NRXN1: variants seen among roughly 807,000 people sequenced by gnomAD.
The protein encoded by NRXN1 is neurexin-1.
NRXN1 carries 39 observed loss-of-function variants against 150.9 expected under a neutral mutation model. The observed-to-expected ratio is 0.26, with a 90% CI of 0.20 to 0.34. NRXN1 has a LOEUF of 0.34. Ranked by LOEUF, NRXN1 falls within the 10% of genes least tolerant of loss-of-function variation. NRXN1 has a pLI of 1.00. For synonymous variants in NRXN1, 924 were observed against 757.0 expected (o/e 1.22, Z -3.62); for missense variants, 1,815 against 1,949.9 (o/e 0.93, Z 1.30).
At chr2:50,779,057 G>T (rs1574446419) in intron 5 of NRXN1, among the ~76,000 whole-genome samples, 1 of 151,860 alleles carries the variant, frequency 6.6e-6, no homozygotes, top group African/African-American at 2.4e-5. Flanking sequence ...TAAGTTCTGG[G>T]ATACATGTGC....
At chr2:50,746,797 T>C (rs1280900495) in intron 5 of NRXN1, among the ~76,000 whole-genome samples, 2 of 152,014 alleles carry the variant, frequency 1.3e-5, no homozygotes, top group South Asian at 2.1e-4. Flanking sequence ...GACCAAATTC[T>C]CCTCCACTTC....
intron 17 of NRXN1, among the ~76,000 whole-genome samples, chr2:50,239,329 C>T (rs550059772): frequency 6.6e-6 from 1 of 151,116 alleles, no homozygotes; most frequent in South Asian, 2.1e-4. Context: ...TCTCTAATGA[C>T]TATATACATT....
chr2:50,109,909 C>A (rs150560384), intron 18 of NRXN1, among the ~76,000 whole-genome samples: 3 of 152,044 alleles, frequency 2.0e-5, no homozygotes, highest in Admixed American at 6.5e-5. Context: ...AAAATAAAGA[C>A]GGTCTAGAAC....
chr2:50,020,140 C>G (rs1687348872), intron 21 of NRXN1, among the ~76,000 whole-genome samples: 1 of 151,918 alleles, frequency 6.6e-6, no homozygotes, highest in Admixed American at 6.6e-5. Context: ...ACTCAAAACT[C>G]AAGTAGCTGT....
chr2:50,343,738 G>GGA (rs988082649), intron 17 of NRXN1, among the ~76,000 whole-genome samples: 3 of 152,086 alleles, frequency 2.0e-5, no homozygotes, highest in African/African-American at 7.2e-5. Context: ...GAATGAACCT[G>GGA]GATAGTCAGC....
chr2:51,006,650 GCT>G lies in NRXN1; in HGVS notation c.772+20850_772+20851del, dbSNP rs200957206. 3.2e-4 allele frequency among the ~76,000 whole-genome samples: 48 copies of G among 151,988 alleles called. 1 individual carries two copies. The East Asian group carries it at 8.2e-3, about 26-fold the overall frequency. ...AGTACACCACATACTCAAAAGGTAA[GCT>G]CCTTGCCCCTTAATATAGTTACAAG... On this transcript the variant is annotated intron_variant, in intron 2 of 22. Coordinates refer to ENST00000401669, the MANE Select transcript of NRXN1 (RefSeq NM_001330078.2).
intron 15 of NRXN1, among the ~76,000 whole-genome samples, chr2:50,482,926 C>A (rs1460825968): frequency 6.6e-6 from 1 of 151,740 alleles, no homozygotes; most frequent in Non-Finnish European, 1.5e-5. Flanking sequence ...TGGCATGCGT[C>A]TGTAGTCCCA....
intron 18 of NRXN1, among the ~76,000 whole-genome samples, chr2:50,105,924 A>G (rs1004641316): frequency 6.6e-6 from 1 of 151,880 alleles, no homozygotes; most frequent in Non-Finnish European, 1.5e-5. Flanking sequence ...TAATAAAAAT[A>G]ATAGGTGGAG....
At chr2:50,550,276 G>A (rs113522708) in intron 9 of NRXN1, among the ~76,000 whole-genome samples, 3,195 of 152,138 alleles carry the variant, frequency 0.021, 51 homozygotes, top group Non-Finnish European at 0.034. Flanking sequence ...GCCCAGGCTG[G>A]AGTGCAATGG....
At chr2:49,978,616 G>A (rs1470298853) in intron 21 of NRXN1, among the ~76,000 whole-genome samples, 2 of 150,672 alleles carry the variant, frequency 1.3e-5, no homozygotes, top group African/African-American at 4.9e-5. Flanking sequence ...TAATGCCTTT[G>A]TTGCAAAGGA....
At chr2:49,992,793 T>G (rs1266397463) in intron 21 of NRXN1, among the ~76,000 whole-genome samples, 3 of 152,200 alleles carry the variant, frequency 2.0e-5, no homozygotes, top group Non-Finnish European at 4.4e-5. Context: ...AGATGGCAAT[T>G]GAGCACATGA....
intron 5 of NRXN1, among the ~76,000 whole-genome samples, chr2:50,799,394 A>G (rs1478745233): frequency 6.6e-6 from 1 of 152,208 alleles, no homozygotes; most frequent in African/African-American, 2.4e-5. Context: ...GATGGAGATG[A>G]GCCACAAAGT....
rs537391075 is a variant in NRXN1 at position 50,114,959 on chromosome 2, C to G, written c.3547-23465G>C. Among the ~76,000 whole-genome samples the G allele has an allele frequency of 6.0e-4, 91 of 151,718 alleles. 3 individuals are homozygous for G. The highest frequency in any genetic ancestry group is 5.3e-3 in the Admixed American group (80 of 15,212). ...TTAGTACTAGTCATTATACATTTGC[C>G]AAAACCCACAGAATGAACACCAGGA... is the stretch of plus-strand genomic sequence containing the variant. On this transcript the variant is annotated intron_variant, in intron 18 of 22. Coordinates refer to ENST00000401669, the MANE Select transcript of NRXN1 (RefSeq NM_001330078.2).
chr2:50,439,941 C>A (rs975300518), intron 17 of NRXN1, among the ~76,000 whole-genome samples: 1 of 152,080 alleles, frequency 6.6e-6, no homozygotes, highest in East Asian at 1.9e-4. Flanking sequence ...TAAAAATCTA[C>A]ATTAGGCACT....
In NRXN1 at chr2:50,347,830, G is replaced by C. The variant is rs2078152878; in HGVS notation, c.3365-110860C>G. The C allele has an allele frequency of 1.1e-5, 11 of 985,586 alleles. No homozygotes were observed. The highest frequency in any genetic ancestry group is 1.3e-5 in the Non-Finnish European group (11 of 830,040). The allele number at this position is 985,586 out of a possible 1,614,324, so 61.1% of individuals were successfully genotyped here. A position where few individuals can be genotyped will look rare whatever the true frequency, so the allele number is the denominator to read the frequency against. On this transcript the variant is annotated intron_variant, in intron 17 of 22. Coordinates refer to ENST00000401669, the MANE Select transcript of NRXN1 (RefSeq NM_001330078.2). The surrounding 1 kb of genome is among the most constrained non-coding windows in gnomAD (Gnocchi z 4.9). ...TGCAGTCTCCAAACAGCAAATCACT[G>C]AAGCTCGGATGCAATGCAGAGGACG... is the stretch of plus-strand genomic sequence containing the variant.
chr2:50,659,790 G>A (rs1259642439), intron 5 of NRXN1, among the ~76,000 whole-genome samples: 1 of 146,462 alleles, frequency 6.8e-6, no homozygotes, highest in East Asian at 2.0e-4. Context: ...TTCCCTTTCT[G>A]AAAGTTAATG....
At chr2:50,697,962 C>T (rs1241115585) in intron 5 of NRXN1, among the ~76,000 whole-genome samples, 1 of 152,174 alleles carries the variant, frequency 6.6e-6, no homozygotes, top group Non-Finnish European at 1.5e-5. Context: ...GAGCCAATTT[C>T]GTTAATCTGG....
intron 8 of NRXN1, among the ~76,000 whole-genome samples, chr2:50,562,751 G>A (rs1288133156): frequency 2.0e-5 from 3 of 151,850 alleles, no homozygotes; most frequent in South Asian, 4.2e-4. Context: ...TTATTTTTCC[G>A]ACTTGTAAGG....
At chr2:50,626,932 G>A (rs888384523) in intron 5 of NRXN1, among the ~76,000 whole-genome samples, 1 of 151,586 alleles carries the variant, frequency 6.6e-6, no homozygotes, top group Admixed American at 6.6e-5. Context: ...ACACACAAAA[G>A]AAATGTAATT....
Sources: allele counts gnomAD v4.1 joint callset (sites outside exome capture counted in the v4.1 genomes callset), GRCh38; gene constraint gnomAD v4.1.1; non-coding constraint Gnocchi (gnomAD v3.1); transcripts MANE v1.5; gene names NCBI Gene and HGNC (gene_info 2026-07-23, HGNC 2026-07-21).